The following TMEM132D variants were observed in gnomAD, a reference collection of about 807,000 sequenced individuals.
TMEM132D encodes transmembrane protein 132D.
A neutral mutation model predicts 62.3 loss-of-function variants in TMEM132D; 21 were observed. That is an observed-to-expected ratio of 0.34 (90% CI 0.24 to 0.49). TMEM132D has a LOEUF of 0.49. Among genes scored for constraint, TMEM132D ranks in the 20% least tolerant of loss-of-function variants. TMEM132D has a pLI of 0.99. For synonymous variants in TMEM132D, 621 were observed against 575.6 expected (o/e 1.08, Z -1.13); for missense variants, 1,346 against 1,402.8 (o/e 0.96, Z 0.65).
intron 1 of TMEM132D, among the ~76,000 whole-genome samples, chr12:129,775,851 A>G (rs919171519): frequency 6.6e-6 from 1 of 152,336 alleles, no homozygotes; most frequent in Middle Eastern, 3.4e-3. Flanking sequence ...AAATATAATT[A>G]TCTATTCATT....
At chr12:129,618,870 T>C (rs1878989118) in intron 2 of TMEM132D, among the ~76,000 whole-genome samples, 1 of 152,138 alleles carries the variant, frequency 6.6e-6, no homozygotes, top group African/African-American at 2.4e-5. Flanking sequence ...GACATCAATC[T>C]CTACATGTAA....
intron 4 of TMEM132D, among the ~76,000 whole-genome samples, chr12:129,241,318 T>A (rs1419841111): frequency 3.3e-5 from 5 of 152,154 alleles, no homozygotes; most frequent in African/African-American, 1.2e-4. Flanking sequence ...TGCAACGGCA[T>A]AAAACAAATA....
At chr12:129,673,048 A>C (rs1880537661) in intron 2 of TMEM132D, among the ~76,000 whole-genome samples, 1 of 152,222 alleles carries the variant, frequency 6.6e-6, no homozygotes, top group African/African-American at 2.4e-5. Flanking sequence ...ACATCCGGCC[A>C]GTTCTATGAG....
At chr12:129,825,188 T>C (rs1653135964) in intron 1 of TMEM132D, among the ~76,000 whole-genome samples, 1 of 151,944 alleles carries the variant, frequency 6.6e-6, no homozygotes, top group Admixed American at 6.6e-5. Flanking sequence ...TTTGTATTTT[T>C]TTTTTTTTTA....
At position 129,825,310 on chromosome 12, in the gene TMEM132D, C is replaced by T. The variant is rs564924667; in HGVS notation, c.79+77951G>A. ...CTGGGATTACAGGCGTGAGCCACTG[C>T]GCCCGGCCCAGTCACTTTCTTCCGT... On this transcript the variant is annotated intron_variant, in intron 1 of 8. Transcript: ENST00000422113. 3.9e-5 allele frequency among the ~76,000 whole-genome samples: 6 copies of T among 152,170 alleles called. 1 individual carries two copies. The highest frequency in any genetic ancestry group is 1.2e-4 in the African/African-American group (5 of 41,524).
intron 1 of TMEM132D, among the ~76,000 whole-genome samples, chr12:129,773,310 A>T (rs532618730): frequency 3.9e-5 from 6 of 152,324 alleles, no homozygotes; most frequent in Admixed American, 6.5e-5. Context: ...TGGAACACAA[A>T]CAGGTAGACA....
At chr12:129,562,081 G>A (rs182772397) in intron 2 of TMEM132D, among the ~76,000 whole-genome samples, 14 of 152,278 alleles carry the variant, frequency 9.2e-5, no homozygotes, top group African/African-American at 3.4e-4. Flanking sequence ...CTGAAATTTT[G>A]TATAGAATAT....
At chr12:129,690,690 A>G (rs1482209919) in intron 2 of TMEM132D, among the ~76,000 whole-genome samples, 6 of 152,194 alleles carry the variant, frequency 3.9e-5, no homozygotes, top group Non-Finnish European at 8.8e-5. Context: ...ACAACAAAAT[A>G]TATGAGATAA....
intron 1 of TMEM132D, among the ~76,000 whole-genome samples, chr12:129,780,763 C>T (rs771116481): frequency 3.3e-5 from 5 of 152,148 alleles, no homozygotes; most frequent in African/African-American, 4.8e-5. Flanking sequence ...GCCATTCATC[C>T]GGTACCTTTT....
rs1289210139 is a variant in TMEM132D, at chr12:129,231,903, C to T, written c.1300-22240G>A. On this transcript the variant is annotated intron_variant, in intron 4 of 8. Transcript: ENST00000422113. ...AACCAAGTCTACAGAATATAATCCT[C>T]CATGGAGCTCTGACAAAATTTCAAT... Among the ~76,000 whole-genome samples the T allele has an allele frequency of 3.9e-5, 6 of 152,218 alleles. 1 individual carries two copies. Among genetic ancestry groups the T allele is most frequent in the Admixed American group, 2.0e-4 (3 of 15,280 alleles).
chr12:129,869,767 G>A (rs960113223), intron 1 of TMEM132D, among the ~76,000 whole-genome samples: 5 of 152,170 alleles, frequency 3.3e-5, no homozygotes, highest in African/African-American at 1.2e-4. Context: ...TTACGTAAGA[G>A]GAGGTTTAGA....
chr12:129,277,019 C>T lies in TMEM132D; in HGVS notation c.1299+60615G>A, dbSNP rs1881023595. Among the ~76,000 whole-genome samples the T allele has an allele frequency of 6.6e-6, 1 of 152,132 alleles. No individual in the cohort carries two copies. The highest frequency in any genetic ancestry group is 1.5e-5 in the Non-Finnish European group (1 of 68,024). ...AAAACTTCAAAGTAAGAAAGTAACC[C>T]AAGTCTTGGAGGAGATTCTAAGTCT... On this transcript the variant is annotated intron_variant, in intron 4 of 8. Coordinates refer to ENST00000422113, the MANE Select transcript of TMEM132D (RefSeq NM_133448.3). The surrounding 1 kb of genome is among the most constrained non-coding windows in gnomAD (Gnocchi z 4.2).
At chr12:129,103,397 C>T (rs889939786) in intron 5 of TMEM132D, among the ~76,000 whole-genome samples, 4 of 152,242 alleles carry the variant, frequency 2.6e-5, no homozygotes, top group Non-Finnish European at 5.9e-5. Context: ...ATGCCCCCAC[C>T]TCGGAGGCCT....
intron 3 of TMEM132D, among the ~76,000 whole-genome samples, chr12:129,515,508 C>T (rs1875646213): frequency 6.6e-6 from 1 of 152,084 alleles, no homozygotes; most frequent in Admixed American, 6.5e-5. Flanking sequence ...AGAACATAAT[C>T]CCCCAAAATA....
chr12:129,362,182 T>A (rs1053588957), intron 3 of TMEM132D, among the ~76,000 whole-genome samples: 31 of 152,176 alleles, frequency 2.0e-4, no homozygotes, highest in African/African-American at 7.2e-4. Context: ...CGGTTCCCAA[T>A]CAAATCTTGT....
At chr12:129,640,406 C>T (rs1879612989) in intron 2 of TMEM132D, among the ~76,000 whole-genome samples, 1 of 152,222 alleles carries the variant, frequency 6.6e-6, no homozygotes, top group Non-Finnish European at 1.5e-5. Context: ...GCTTCTTCTA[C>T]CCTCCATGTT....
chr12:129,476,395 T>G (rs1159666172), intron 3 of TMEM132D, among the ~76,000 whole-genome samples: 1 of 152,204 alleles, frequency 6.6e-6, no homozygotes, highest in Non-Finnish European at 1.5e-5. Flanking sequence ...CATATTTAAA[T>G]ATCATTGCGG....
intron 3 of TMEM132D, among the ~76,000 whole-genome samples, chr12:129,446,623 CTCCTG>C: frequency 1.3e-5 from 2 of 152,322 alleles, no homozygotes; most frequent in South Asian, 4.1e-4. Flanking sequence ...TCCTCCCTAC[CTCCTG>C]AGCAGAGATG....
At chr12:129,106,968 G>A (rs1002944379) in intron 5 of TMEM132D, among the ~76,000 whole-genome samples, 2 of 152,260 alleles carry the variant, frequency 1.3e-5, no homozygotes, top group Middle Eastern at 3.4e-3. Context: ...TGAGATTCTG[G>A]TGCTGTTTGT....
Sources: allele counts gnomAD v4.1 joint callset (sites outside exome capture counted in the v4.1 genomes callset), GRCh38; gene constraint gnomAD v4.1.1; non-coding constraint Gnocchi (gnomAD v3.1); transcripts MANE v1.5; gene names NCBI Gene and HGNC (gene_info 2026-07-23, HGNC 2026-07-21).